Variants in SNTB1 observed in about 807,000 individuals in gnomAD.
The protein encoded by SNTB1 is syntrophin beta 1.
A neutral mutation model predicts 48.9 loss-of-function variants in SNTB1; 36 were observed. The observed-to-expected ratio is 0.74, with a 90% CI of 0.56 to 0.97. The LOEUF (loss-of-function observed/expected upper bound fraction) is 0.97, where lower values mean the gene tolerates loss of function less well. SNTB1 is among the 50% of genes least tolerant of loss of function. The pLI, the probability that SNTB1 is intolerant of heterozygous loss-of-function variation, is 0.00. For missense variants in SNTB1, 786 were observed against 703.4 expected (o/e 1.12, Z -1.33); for synonymous variants, 299 against 294.6 (o/e 1.01, Z -0.15).
intron 2 of SNTB1, among the ~76,000 whole-genome samples, chr8:120,675,868 C>T (rs1817825321): frequency 6.6e-6 from 1 of 152,194 alleles, no homozygotes; most frequent in Admixed American, 6.5e-5. Context: ...ATTTCTTGAG[C>T]TTCTACCATG....
chr8:120,606,994 A>G (rs909405243), intron 3 of SNTB1, among the ~76,000 whole-genome samples: 1 of 152,198 alleles, frequency 6.6e-6, no homozygotes, highest in Non-Finnish European at 1.5e-5. Context: ...AAATTATCAT[A>G]ATCTTGAGAT....
chr8:120,694,605 A>T (rs1373979643), intron 1 of SNTB1, among the ~76,000 whole-genome samples: 1 of 151,354 alleles, frequency 6.6e-6, no homozygotes, highest in Non-Finnish European at 1.5e-5. Flanking sequence ...CTCTCTATAT[A>T]TATAGATGTA....
At chr8:120,539,121 T>C (rs1332923661) in intron 6 of SNTB1, 152 bp from the exon 7 acceptor site, 13 of 595,836 alleles carry the variant, frequency 2.2e-5, no homozygotes, top group Non-Finnish European at 3.9e-5. Context: ...CTCAATGAGA[T>C]AAAGGAACAA....
Position 120,811,327 on chromosome 8 carries a change from G to A in SNTB1, c.517C>T (p.His173Tyr). Residue 173 changes from histidine (H) to tyrosine (Y), a missense_variant, in exon 1 of 7, where the codon CAC becomes TAC. Coordinates refer to ENST00000517992, the MANE Select transcript of SNTB1 (RefSeq NM_021021.4). Reference protein sequence around the residue: ...VNGADLRDATHDEAVQALKRA... With the variant: ...VNGADLRDATYDEAVQALKRA... ...TTCAACGCCTGCACCGCCTCGTCGT[G>A]GGTGGCGTCCCGCAGGTCGGCTCCG... 1 of 1,611,546 alleles carries A rather than the reference G, an allele frequency of 6.2e-7. No homozygotes were observed. The highest frequency in any genetic ancestry group is 8.5e-7 in the Non-Finnish European group (1 of 1,179,736).
chr8:120,549,082 C>G, intron 4 of SNTB1, 124 bp from the exon 5 acceptor site: 1 of 704,876 alleles, frequency 1.4e-6, no homozygotes, highest in Non-Finnish European at 2.3e-6. Flanking sequence ...TCAAAGGGCT[C>G]CACTATACCC....
chr8:120,715,563 G>A (rs1468547273), intron 1 of SNTB1, among the ~76,000 whole-genome samples: 1 of 152,270 alleles, frequency 6.6e-6, no homozygotes, highest in East Asian at 1.9e-4. Context: ...ATAAATAAAA[G>A]AGGATGCCTA....
chr8:120,737,854 A>T (rs896285713), intron 1 of SNTB1, among the ~76,000 whole-genome samples: 2 of 152,196 alleles, frequency 1.3e-5, no homozygotes, highest in Non-Finnish European at 2.9e-5. Flanking sequence ...TAAGTGGCTG[A>T]GCCAATCCAG....
intron 1 of SNTB1, among the ~76,000 whole-genome samples, chr8:120,739,967 A>G (rs1819017217): frequency 6.6e-6 from 1 of 152,224 alleles, no homozygotes; most frequent in African/African-American, 2.4e-5. Flanking sequence ...GCACAGCCAT[A>G]CATGACCCCA....
At chr8:120,555,162 T>A (rs1363732795) in intron 4 of SNTB1, among the ~76,000 whole-genome samples, 3 of 152,172 alleles carry the variant, frequency 2.0e-5, no homozygotes, top group Non-Finnish European at 2.9e-5. Context: ...GCCAGGAATA[T>A]CCGGGGTTGT....
intron 3 of SNTB1, among the ~76,000 whole-genome samples, chr8:120,575,838 G>A (rs1257323857): frequency 1.3e-5 from 2 of 152,150 alleles, no homozygotes; most frequent in Non-Finnish European, 2.9e-5. Flanking sequence ...AATGTGAAAG[G>A]ATTGTGATAG....
intron 2 of SNTB1, among the ~76,000 whole-genome samples, chr8:120,648,274 C>T (rs1438158999): frequency 1.4e-5 from 2 of 144,642 alleles, no homozygotes; most frequent in Non-Finnish European, 1.5e-5. Context: ...ATGGTCTTTA[C>T]ATTTTGGCAT....
intron 1 of SNTB1, among the ~76,000 whole-genome samples, chr8:120,804,058 AG>A (rs1820281790): frequency 6.6e-6 from 1 of 152,190 alleles, no homozygotes; most frequent in Non-Finnish European, 1.5e-5. Flanking sequence ...CTACAGAACA[AG>A]GTATAGCTTT....
chr8:120,659,037 C>G (rs1817543930), intron 2 of SNTB1, among the ~76,000 whole-genome samples: 1 of 151,580 alleles, frequency 6.6e-6, no homozygotes, highest in South Asian at 2.1e-4. Context: ...TATCTTGGCT[C>G]ACTGCAACCT....
intron 1 of SNTB1, among the ~76,000 whole-genome samples, chr8:120,770,219 G>A (rs1819597265): frequency 6.6e-6 from 1 of 152,132 alleles, no homozygotes; most frequent in South Asian, 2.1e-4. Flanking sequence ...TTGCCAGGTG[G>A]CTTTTCCTCC....
At chr8:120,789,469 A>G (rs1177076049) in intron 1 of SNTB1, among the ~76,000 whole-genome samples, 2 of 152,054 alleles carry the variant, frequency 1.3e-5, no homozygotes, top group Non-Finnish European at 2.9e-5. Flanking sequence ...GAAGAGATTA[A>G]TGAAATTGAA....
At chr8:120,757,347 G>A (rs1445410613) in intron 1 of SNTB1, among the ~76,000 whole-genome samples, 1 of 152,102 alleles carries the variant, frequency 6.6e-6, no homozygotes, top group Non-Finnish European at 1.5e-5. Context: ...GGTGAGAGAT[G>A]GCAAGGTGAT....
intron 1 of SNTB1, among the ~76,000 whole-genome samples, chr8:120,794,570 GATAATCTTGTTAATTAGTT>G (rs71571681): frequency 0.12 from 17,517 of 151,930 alleles, 1,444 homozygotes; most frequent in African/African-American, 0.23. Context: ...TGTTATTAAT[GATAATCTTGTTAATTAGTT>G]TTACAACAGC....
At chr8:120,777,008 T>G (rs76657049) in intron 1 of SNTB1, among the ~76,000 whole-genome samples, 5,846 of 152,126 alleles carry the variant, frequency 0.038, 361 homozygotes, top group African/African-American at 0.13. Flanking sequence ...AACATTCCAG[T>G]TTTAATAGTA....
At chr8:120,742,605 A>T (rs1819058207) in intron 1 of SNTB1, among the ~76,000 whole-genome samples, 1 of 152,098 alleles carries the variant, frequency 6.6e-6, no homozygotes, top group South Asian at 2.1e-4. Flanking sequence ...ACATTGGTGA[A>T]CTCTTCTAAG....
Sources: gnomAD v4.1 joint callset for allele counts (sites outside exome capture counted in the v4.1 genomes callset) on GRCh38, gnomAD v4.1.1 for gene constraint, MANE v1.5 for transcripts, NCBI Gene and HGNC (gene_info 2026-07-23, HGNC 2026-07-21) for gene names.